Variants in DOCK1 observed in about 807,000 individuals in gnomAD.
DOCK1 encodes the protein dedicator of cytokinesis 1, also known as dedicator of cytokinesis protein 1.
In DOCK1, 138 loss-of-function variants were observed where a neutral mutation model predicts 262.7. The observed-to-expected ratio is 0.53, with a 90% CI of 0.46 to 0.61. The LOEUF is 0.61. DOCK1 is among the 20% of genes least tolerant of loss of function. The pLI is 0.00. For missense variants in DOCK1, 1,908 were observed against 2,370.7 expected, an observed-to-expected ratio of 0.80 and a Z score of 4.05; for synonymous variants, 866 against 867.4, an observed-to-expected ratio of 1.00 and a Z score of 0.03.
chr10:126,955,528 C>T (rs2036660616), intron 1 of DOCK1, among the ~76,000 whole-genome samples: 1 of 152,140 alleles, frequency 6.6e-6, no homozygotes, highest in Admixed American at 6.5e-5. Flanking sequence ...TTCTGTGGAG[C>T]CCCGCCCATG....
Position 127,257,340 on chromosome 10 carries a change from C to T in DOCK1, c.2955C>T (p.Phe985=), listed in dbSNP as rs746301122. The change falls in exon 29 of 52, where the codon TTC becomes TTT. Residue 985 remains phenylalanine, a synonymous_variant. Coordinates refer to ENST00000623213, the MANE Select transcript of DOCK1 (RefSeq NM_001290223.2). ...GTTTTGTTTTTTTATTTCAGGATTT[C>T]CTAATGGAAACATTCATCATGTTTA... ...FGKMRTDVVD[F]LMETFIMFKN... is the part of the protein sequence containing the mutation. 1 of 1,590,220 alleles carries T rather than the reference C, an allele frequency of 6.3e-7. No individual in the cohort carries two copies. Among genetic ancestry groups the T allele is most frequent in the Non-Finnish European group, 8.6e-7 (1 of 1,165,912 alleles).
In DOCK1 at chr10:127,174,869, A is replaced by G. The variant is rs369554489; in HGVS notation, c.2847+47105A>G. ...CTGATTCTCTTCTTATTTAGAATAG[A>G]TATTTTGGACTGGCATATGTTGTTA... On this transcript the variant is annotated intron_variant, in intron 27 of 51. Coordinates refer to ENST00000623213, the MANE Select transcript of DOCK1 (RefSeq NM_001290223.2). Among the ~76,000 whole-genome samples the G allele has an allele frequency of 2.0e-5, 3 of 152,304 alleles. No individual in the cohort carries two copies. The East Asian group carries it at 5.8e-4, about 29-fold the overall frequency.
chr10:127,254,684 C>T (rs1310096129), intron 28 of DOCK1, among the ~76,000 whole-genome samples: 1 of 152,212 alleles, frequency 6.6e-6, no homozygotes, highest in Non-Finnish European at 1.5e-5. Flanking sequence ...AACAATCCTT[C>T]ATCGGATGGG....
chr10:127,258,105 C>T (rs917578372), intron 29 of DOCK1, among the ~76,000 whole-genome samples: 9 of 152,030 alleles, frequency 5.9e-5, no homozygotes, highest in African/African-American at 1.7e-4. Context: ...ATAAGGGAGT[C>T]GATGATGCGA....
intron 1 of DOCK1, among the ~76,000 whole-genome samples, chr10:126,926,254 T>C (rs1029392760): frequency 2.6e-5 from 4 of 151,446 alleles, no homozygotes; most frequent in Admixed American, 6.6e-5. Flanking sequence ...TTTCTTTCTT[T>C]CTTTTTTTTT....
intron 29 of DOCK1, among the ~76,000 whole-genome samples, chr10:127,287,415 C>T (rs1459960810): frequency 2.0e-5 from 3 of 152,058 alleles, no homozygotes; most frequent in Non-Finnish European, 2.9e-5. Context: ...CTCTTGAACT[C>T]CTGGCTTCAA....
chr10:126,930,795 A>G, intron 1 of DOCK1, among the ~76,000 whole-genome samples: 1 of 152,222 alleles, frequency 6.6e-6, no homozygotes, highest in East Asian at 1.9e-4. Context: ...AAGTGTGGAC[A>G]TCAGCACAAG....
intron 1 of DOCK1, among the ~76,000 whole-genome samples, chr10:126,946,579 C>A (rs2035424117): frequency 6.6e-6 from 1 of 152,036 alleles, no homozygotes; most frequent in South Asian, 2.1e-4. Context: ...ATTCCCTGTC[C>A]CCTCAGCCTC....
At chr10:127,294,883 C>T (rs567346819) in intron 29 of DOCK1, among the ~76,000 whole-genome samples, 4 of 152,176 alleles carry the variant, frequency 2.6e-5, no homozygotes, top group African/African-American at 9.6e-5. Context: ...CTCAGTTGAT[C>T]CGCCCGCCTC....
At chr10:127,049,086 C>T (rs1269759907) in intron 21 of DOCK1, among the ~76,000 whole-genome samples, 1 of 152,070 alleles carries the variant, frequency 6.6e-6, no homozygotes, top group African/African-American at 2.4e-5. Context: ...AAAAAGCCCT[C>T]CTGAATCTAT....
chr10:127,059,326 T>C (rs1233233846), intron 22 of DOCK1, among the ~76,000 whole-genome samples: 1 of 152,216 alleles, frequency 6.6e-6, no homozygotes, highest in Non-Finnish European at 1.5e-5. Flanking sequence ...TTTCTGAATT[T>C]TTTGATTGAT....
chr10:127,407,623 G>T (rs766774232), intron 40 of DOCK1, among the ~76,000 whole-genome samples: 1 of 152,162 alleles, frequency 6.6e-6, no homozygotes, highest in Admixed American at 6.5e-5. Context: ...TCTTTAGGGG[G>T]TAAGTGTAAA....
chr10:127,444,189 C>G lies in DOCK1; in HGVS notation c.5323C>G (p.Arg1775Gly). Residue 1775 changes from arginine to glycine, a missense_variant, in exon 50 of 52, where the codon CGC (arginine) becomes GGC (glycine). Arg to Gly is a moderately radical substitution (Grantham distance 125). Around this residue, in one of 9 missense-constraint regions of DOCK1, gnomAD observed 383 missense variants for 420.1 expected, o/e 0.91. Transcript: ENST00000623213. ...QVMNVIGSER[R>G]FSVSPSSPSS... ...GATGAACGTCATTGGAAGCGAAAGG[C>G]GCTTCTCGGTGTCCCCCTCGTCACC... The G allele has an allele frequency of 1.2e-6, 2 of 1,605,030 alleles. 1 individual carries two copies. The highest frequency in any genetic ancestry group is 1.7e-6 in the Non-Finnish European group (2 of 1,176,530).
chr10:127,030,085 C>G (rs1261353818), intron 16 of DOCK1, among the ~76,000 whole-genome samples: 2 of 152,046 alleles, frequency 1.3e-5, no homozygotes, highest in Admixed American at 6.5e-5. Flanking sequence ...TGAGCACAAC[C>G]AGGAAGGCAA....
chr10:127,206,500 A>G (rs1185980880), intron 27 of DOCK1, among the ~76,000 whole-genome samples: 2 of 152,180 alleles, frequency 1.3e-5, no homozygotes, highest in East Asian at 3.9e-4. Flanking sequence ...TTAATACGCT[A>G]TCAATGTACA....
intron 47 of DOCK1, among the ~76,000 whole-genome samples, chr10:127,428,889 G>A (rs1324945502): frequency 1.8e-4 from 26 of 146,870 alleles, no homozygotes; most frequent in Admixed American, 8.1e-4. Flanking sequence ...TGTGGATTGG[G>A]GTACCGTGTG....
chr10:127,447,345 G>A (rs1254149187), intron 50 of DOCK1, 49 bp from the exon 51 acceptor site: 3 of 1,581,432 alleles, frequency 1.9e-6, no homozygotes, highest in Admixed American at 3.7e-5. Context: ...TGAGCATTCA[G>A]GCTCCGTGGG....
chr10:127,278,719 T>TCAAAAAGA (rs1383873937), intron 29 of DOCK1, among the ~76,000 whole-genome samples: 3 of 152,200 alleles, frequency 2.0e-5, no homozygotes, highest in Non-Finnish European at 4.4e-5. Flanking sequence ...TTGTTTTTCT[T>TCAAAAAGA]CAAAAAGATG....
At chr10:127,066,729 C>T (rs763480828) in intron 23 of DOCK1, among the ~76,000 whole-genome samples, 7 of 152,200 alleles carry the variant, frequency 4.6e-5, no homozygotes, top group African/African-American at 9.7e-5. Context: ...ACTTATTGAT[C>T]GCCTGCTGTT....
Sources: gnomAD v4.1 joint callset for allele counts (sites outside exome capture counted in the v4.1 genomes callset) on GRCh38, gnomAD v4.1.1 for gene constraint, gnomAD v4.1.1 regional missense constraint, MANE v1.5 for transcripts, NCBI Gene and HGNC (gene_info 2026-07-23, HGNC 2026-07-21) for gene names.